The following ARHGEF10L variants were observed in gnomAD, a reference collection of about 807,000 sequenced individuals.
The protein encoded by ARHGEF10L is rho guanine nucleotide exchange factor 10-like protein.
Under a neutral mutation model 141.2 loss-of-function variants are expected in ARHGEF10L, and 69 were observed. The observed-to-expected ratio is 0.49, with a 90% CI of 0.40 to 0.60. The LOEUF is 0.60. Ranked by LOEUF, ARHGEF10L falls within the 20% of genes least tolerant of loss-of-function variation. The probability of loss-of-function intolerance (pLI) is 0.00; values close to 1 mark genes in which losing one functional copy is unlikely to be tolerated. For synonymous variants in ARHGEF10L, 711 were observed against 718.5 expected, an observed-to-expected ratio of 0.99 and a Z score of 0.17; for missense variants, 1,482 against 1,734.3, an observed-to-expected ratio of 0.85 and a Z score of 2.58.
chr1:17,581,869 C>T (rs750371270), intron 2 of ARHGEF10L, among the ~76,000 whole-genome samples: 10 of 144,324 alleles, frequency 6.9e-5, no homozygotes, highest in African/African-American at 2.6e-4. Flanking sequence ...CCCTGAGCCT[C>T]GGGGTTCTTC....
intron 1 of ARHGEF10L, among the ~76,000 whole-genome samples, chr1:17,557,033 TAAAAA>T (rs370811589): frequency 8.4e-6 from 1 of 119,082 alleles, no homozygotes; most frequent in African/African-American, 3.2e-5. Context: ...CTCCATCTCT[TAAAAA>T]AAAAAAAAAA....
At chr1:17,657,224 G>A (rs2062323898) in intron 25 of ARHGEF10L, among the ~76,000 whole-genome samples, 1 of 152,206 alleles carries the variant, frequency 6.6e-6, no homozygotes, top group Admixed American at 6.5e-5. Context: ...ACGATGTCAG[G>A]AGGGCAGGAG....
intron 8 of ARHGEF10L, among the ~76,000 whole-genome samples, chr1:17,614,083 G>A (rs538830897): frequency 7.8e-4 from 119 of 152,330 alleles, no homozygotes; most frequent in African/African-American, 2.8e-3. Flanking sequence ...TCAAGTACCC[G>A]GCTAGTGGCC....
chr1:17,688,032 A>G (rs990275050), intron 27 of ARHGEF10L, among the ~76,000 whole-genome samples: 1 of 152,192 alleles, frequency 6.6e-6, no homozygotes, highest in Non-Finnish European at 1.5e-5. Context: ...GGCAGCTGCT[A>G]AGGAAAGGCC....
chr1:17,541,355 G>A (rs1260203847), intron 1 of ARHGEF10L, among the ~76,000 whole-genome samples: 1 of 152,246 alleles, frequency 6.6e-6, no homozygotes, highest in African/African-American at 2.4e-5. Flanking sequence ...CAGGGGCCAT[G>A]TCTGTCCTTG....
intron 26 of ARHGEF10L, among the ~76,000 whole-genome samples, chr1:17,669,173 G>A (rs2063165309): frequency 6.6e-6 from 1 of 152,214 alleles, no homozygotes; most frequent in Non-Finnish European, 1.5e-5. Context: ...CCCCTATGGG[G>A]TTTGAGATTC....
At position 17,640,183 on chromosome 1, in the gene ARHGEF10L, C is replaced by T. The variant is rs745682755; in HGVS notation, c.2172-19C>T. On this transcript the variant is annotated intron_variant, in intron 20 of 28. Coordinates refer to ENST00000361221, the MANE Select transcript of ARHGEF10L (RefSeq NM_018125.4). ...TTGTGTGGGTACTCACACATCCACTCTAACCCTTCTCACCACAGGTCCGGC... is the reference window on the plus strand; with the variant it reads ...TTGTGTGGGTACTCACACATCCACTTTAACCCTTCTCACCACAGGTCCGGC... 4 of 1,604,556 alleles carry T rather than the reference C, an allele frequency of 2.5e-6. No individual in the cohort carries two copies. In the Admixed American group the frequency reaches 5.1e-5, roughly 20 times the overall value.
intron 4 of ARHGEF10L, among the ~76,000 whole-genome samples, chr1:17,597,415 C>T (rs374618416): frequency 6.6e-6 from 1 of 152,162 alleles, no homozygotes; most frequent in Non-Finnish European, 1.5e-5. Context: ...GGTCCAGGGC[C>T]TTGGCAGGCA....
At chr1:17,668,929 C>T (rs556168671) in intron 26 of ARHGEF10L, among the ~76,000 whole-genome samples, 35 of 152,276 alleles carry the variant, frequency 2.3e-4, no homozygotes, top group South Asian at 6.2e-4. Flanking sequence ...CTGGGCTGCC[C>T]GGCTCCACGC....
chr1:17,577,154 C>A (rs1038121546), intron 1 of ARHGEF10L, among the ~76,000 whole-genome samples: 1 of 152,208 alleles, frequency 6.6e-6, no homozygotes, highest in Non-Finnish European at 1.5e-5. Context: ...AAGTGATTCT[C>A]CTGCTTCAGC....
chr1:17,522,162 C>T, the ARHGEF10L span, among the ~76,000 whole-genome samples: 4 of 152,108 alleles, frequency 2.6e-5, no homozygotes, highest in African/African-American at 9.7e-5. Flanking sequence ...GTGGGAGGGG[C>T]CTGGGCCCTG....
rs145989420 is a variant in ARHGEF10L at position 17,687,658 on chromosome 1, C to T, written c.3095C>T (p.Ser1032Phe). 1.9e-4 allele frequency: 314 copies of T among 1,612,682 alleles called. 1 individual carries two copies. The African/African-American group carries it at 3.9e-3, about 20-fold the overall frequency. ...AGCGGCGTCTGGATGGCCTTCTCCT[C>T]CGGCACCTCCATCCGCCTCTTCCAC... is the stretch of plus-strand genomic sequence containing the variant. ...AGSGVWMAFS[S>F]GTSIRLFHTE... Residue 1032 changes from serine (S) to phenylalanine (F), a missense_variant, in exon 27 of 29, where the codon TCC (serine) becomes TTC (phenylalanine). Physicochemically the swap from Ser to Phe is radical, Grantham distance 155. This residue lies in a region of ARHGEF10L where 858 missense variants were observed against 966.3 expected (regional missense o/e 0.89). Coordinates refer to ENST00000361221, the MANE Select transcript of ARHGEF10L (RefSeq NM_018125.4).
chr1:17,680,666 G>T (rs912116204), intron 26 of ARHGEF10L, among the ~76,000 whole-genome samples: 2 of 151,938 alleles, frequency 1.3e-5, no homozygotes, highest in African/African-American at 4.8e-5. Context: ...ACAGATGACA[G>T]AGGAGACTGA....
intron 4 of ARHGEF10L, among the ~76,000 whole-genome samples, chr1:17,592,342 C>A (rs185785331): frequency 6.6e-6 from 1 of 152,136 alleles, no homozygotes; most frequent in Non-Finnish European, 1.5e-5. Context: ...TGGCCCTGGT[C>A]GCAGGGATTC....
chr1:17,686,429 G>A (rs2064604607), intron 26 of ARHGEF10L, among the ~76,000 whole-genome samples: 1 of 152,224 alleles, frequency 6.6e-6, no homozygotes, highest in Non-Finnish European at 1.5e-5. Context: ...AGTCTTATGT[G>A]GGAAGTGGCC....
At chr1:17,514,981 G>T in the ARHGEF10L span, among the ~76,000 whole-genome samples, 1 of 152,140 alleles carries the variant, frequency 6.6e-6, no homozygotes, top group Non-Finnish European at 1.5e-5. Flanking sequence ...TCCCTTTCCA[G>T]CTTCTTTTTG....
intron 4 of ARHGEF10L, among the ~76,000 whole-genome samples, chr1:17,596,764 G>A (rs1205494995): frequency 2.6e-5 from 4 of 152,324 alleles, no homozygotes; most frequent in East Asian, 1.9e-4. Context: ...CTGGGGGCCC[G>A]GCGCGGTGGC....
At chr1:17,567,625 C>A (rs2077815749) in intron 1 of ARHGEF10L, among the ~76,000 whole-genome samples, 1 of 152,204 alleles carries the variant, frequency 6.6e-6, no homozygotes, top group Non-Finnish European at 1.5e-5. Flanking sequence ...GTCTTGGCCT[C>A]CCAAAGTGCT....
In ARHGEF10L at chr1:17,543,100, G is replaced by A. The variant is rs185608167; in HGVS notation, c.-44+3150G>A. On this transcript the variant is annotated intron_variant, in intron 1 of 28. Coordinates refer to ENST00000361221, the MANE Select transcript of ARHGEF10L (RefSeq NM_018125.4). The stretch of plus-strand genomic sequence containing the variant: ...GAGAGTTCTTCTTCTCTCTACCTCA[G>A]TGGAGGGCATCAGAGCCATTTTCAT... Among the ~76,000 whole-genome samples, 84 of 152,310 alleles carry A rather than the reference G, an allele frequency of 5.5e-4. 1 individual carries two copies. The highest frequency in any genetic ancestry group is 3.4e-3 in the Middle Eastern group (1 of 294).
Sources: allele counts gnomAD v4.1 joint callset (sites outside exome capture counted in the v4.1 genomes callset), GRCh38; gene constraint gnomAD v4.1.1; regional missense constraint gnomAD v4.1.1; transcripts MANE v1.5; gene names NCBI Gene and HGNC (gene_info 2026-07-23, HGNC 2026-07-21).